The following MIS18A variants were observed in gnomAD, a reference collection of about 807,000 sequenced individuals.
MIS18A encodes protein Mis18-alpha.
A neutral mutation model predicts 25.0 loss-of-function variants in MIS18A; 14 were observed. The observed-to-expected ratio is 0.56, with a 90% CI of 0.37 to 0.88. The LOEUF (loss-of-function observed/expected upper bound fraction) is 0.88, where lower values mean the gene tolerates loss of function less well. Ranked by LOEUF, MIS18A falls within the 40% of genes least tolerant of loss-of-function variation. The pLI is 0.00. For synonymous variants in MIS18A, 134 were observed against 118.6 expected (o/e 1.13, Z -0.84); for missense variants, 292 against 290.8 (o/e 1.00, Z -0.03).
the MIS18A span, among the ~76,000 whole-genome samples, chr21:32,157,041 C>T: frequency 0.99 from 147,239 of 148,210 alleles, 73,134 homozygotes; most frequent in South Asian, 1. Context: ...CCTTTCTTTT[C>T]CTTTCTTTCT....
the MIS18A span, among the ~76,000 whole-genome samples, chr21:32,228,487 G>A: frequency 9.2e-5 from 14 of 152,180 alleles, no homozygotes; most frequent in Non-Finnish European, 1.6e-4. Flanking sequence ...CATTTAGTGG[G>A]AGATTCTAGC....
chr21:32,270,664 T>A, intron 2 of MIS18A, 135 bp from the exon 3 acceptor site: 1 of 873,318 alleles, frequency 1.1e-6, no homozygotes, highest in Non-Finnish European at 1.5e-6. Context: ...ACATAAAGGA[T>A]AGGAAAAAAT....
chr21:32,272,728 A>G (rs1415772474), intron 2 of MIS18A, among the ~76,000 whole-genome samples: 1 of 152,266 alleles, frequency 6.6e-6, no homozygotes. Context: ...TCCTTTTAAG[A>G]CAAATTTAAA....
At chr21:32,172,593 C>CTTT in the MIS18A span, among the ~76,000 whole-genome samples, 3 of 146,420 alleles carry the variant, frequency 2.0e-5, no homozygotes, top group African/African-American at 5.0e-5. Flanking sequence ...TTTTCCTTTC[C>CTTT]TTTTTTTTTT....
the MIS18A span, among the ~76,000 whole-genome samples, chr21:32,179,525 C>T: frequency 6.6e-6 from 1 of 152,190 alleles, no homozygotes; most frequent in Non-Finnish European, 1.5e-5. Context: ...CCCAGGGTAA[C>T]CGCCAGTTGC....
At chr21:32,257,077 C>T in the MIS18A span, among the ~76,000 whole-genome samples, 3 of 152,166 alleles carry the variant, frequency 2.0e-5, no homozygotes, top group Admixed American at 6.5e-5. Context: ...GCTGGCATCA[C>T]GGGACTTGGC....
intron 2 of MIS18A, 27 bp downstream of exon 2, chr21:32,274,802 AT>A (rs1418026478): frequency 1.9e-6 from 3 of 1,554,578 alleles, no homozygotes; most frequent in Non-Finnish European, 2.7e-6. Context: ...ATTCTCTAAC[AT>A]ATTCATATAA....
the MIS18A span, among the ~76,000 whole-genome samples, chr21:32,236,193 T>G: frequency 6.8e-6 from 1 of 146,540 alleles, no homozygotes; most frequent in Admixed American, 6.7e-5. Context: ...GCTAACACGG[T>G]GAAACCCCGT....
At chr21:32,241,575 C>T in the MIS18A span, among the ~76,000 whole-genome samples, 1 of 152,108 alleles carries the variant, frequency 6.6e-6, no homozygotes, top group African/African-American at 2.4e-5. Flanking sequence ...GCTACCTCGG[C>T]CTTGTTGCCT....
the MIS18A span, among the ~76,000 whole-genome samples, chr21:32,211,146 T>C: frequency 1.3e-5 from 2 of 152,170 alleles, no homozygotes; most frequent in Admixed American, 1.3e-4. Context: ...GTTCAAGCAA[T>C]TCTCCTGTCT....
At chr21:32,234,541 GT>G in the MIS18A span, among the ~76,000 whole-genome samples, 8 of 152,320 alleles carry the variant, frequency 5.3e-5, no homozygotes, top group Non-Finnish European at 1.0e-4. Context: ...TGGTGTGGAT[GT>G]TTGTCCCCTC....
the MIS18A span, among the ~76,000 whole-genome samples, chr21:32,246,712 C>T: frequency 6.6e-6 from 1 of 152,148 alleles, no homozygotes; most frequent in Non-Finnish European, 1.5e-5. Context: ...CTGACAGACC[C>T]TTTCCAGCGC....
At chr21:32,193,053 C>G in the MIS18A span, among the ~76,000 whole-genome samples, 528 of 152,334 alleles carry the variant, frequency 3.5e-3, 2 homozygotes, top group African/African-American at 0.012. Context: ...TGAGGGAAGA[C>G]AGCAAAGGTT....
At chr21:32,224,319 G>A in the MIS18A span, among the ~76,000 whole-genome samples, 2 of 149,326 alleles carry the variant, frequency 1.3e-5, no homozygotes, top group East Asian at 1.9e-4. Context: ...ATTCAATTAG[G>A]AAAAGAGGAA....
chr21:32,251,066 A>G, the MIS18A span, among the ~76,000 whole-genome samples: 4 of 152,086 alleles, frequency 2.6e-5, no homozygotes, highest in African/African-American at 9.7e-5. Context: ...CCACCATGTG[A>G]AGAAGGACCT....
chr21:32,258,334 G>A, the MIS18A span, among the ~76,000 whole-genome samples: 15 of 152,264 alleles, frequency 9.9e-5, no homozygotes, highest in Admixed American at 9.8e-4. Flanking sequence ...GCAGTCTGAT[G>A]GGGGCTGCAT....
chr21:32,252,031 G>T, the MIS18A span, among the ~76,000 whole-genome samples: 1 of 152,136 alleles, frequency 6.6e-6, no homozygotes, highest in South Asian at 2.1e-4. Context: ...AAAAGAAAAT[G>T]AAAAATTATC....
At chr21:32,163,382 T>C in the MIS18A span, among the ~76,000 whole-genome samples, 1 of 152,196 alleles carries the variant, frequency 6.6e-6, no homozygotes, top group Non-Finnish European at 1.5e-5. Flanking sequence ...TCCATCACTT[T>C]AGAAAACAAC....
the MIS18A span, among the ~76,000 whole-genome samples, chr21:32,200,435 C>CT: frequency 3.7e-3 from 508 of 137,014 alleles, 3 homozygotes; most frequent in Middle Eastern, 0.011. Flanking sequence ...AAGGCTTTTT[C>CT]TTTTTTTTTT....
Sources: allele counts gnomAD v4.1 joint callset (sites outside exome capture counted in the v4.1 genomes callset), GRCh38; gene constraint gnomAD v4.1.1; transcripts MANE v1.5; gene names NCBI Gene and HGNC (gene_info 2026-07-23, HGNC 2026-07-21).